The following SEZ6L variants were observed in gnomAD, a reference collection of about 807,000 sequenced individuals.
SEZ6L encodes seizure related 6 homolog like, also known as seizure 6-like protein.
SEZ6L carries 37 observed loss-of-function variants against 106.2 expected under a neutral mutation model. That is an observed-to-expected ratio of 0.35 (90% CI 0.27 to 0.46). The LOEUF is 0.46. Ranked by LOEUF, SEZ6L falls within the 20% of genes least tolerant of loss-of-function variation. The pLI, the probability that SEZ6L is intolerant of heterozygous loss-of-function variation, is 1.00. For synonymous variants in SEZ6L, 541 were observed against 570.4 expected, an observed-to-expected ratio of 0.95 and a Z score of 0.73; for missense variants, 1,172 against 1,332.8, an observed-to-expected ratio of 0.88 and a Z score of 1.88.
chr22:26,210,950 G>A (rs1407351187), intron 1 of SEZ6L, among the ~76,000 whole-genome samples: 1 of 152,190 alleles, frequency 6.6e-6, no homozygotes, highest in African/African-American at 2.4e-5. Flanking sequence ...AATTGGCTGG[G>A]GTAGAGTAGC....
intron 12 of SEZ6L, among the ~76,000 whole-genome samples, chr22:26,359,866 TAACTAAATGAGTTCATAGATATAA>T (rs564984222): frequency 1.3e-5 from 2 of 152,304 alleles, no homozygotes; most frequent in South Asian, 4.1e-4. Context: ...GTTGTTGTGA[TAACTAAATGAGTTCATAGATATAA>T]AACACTCAGA....
chr22:26,256,173 G>A (rs1311675262), intron 1 of SEZ6L, among the ~76,000 whole-genome samples: 1 of 152,226 alleles, frequency 6.6e-6, no homozygotes, highest in Non-Finnish European at 1.5e-5. Context: ...GTAAGGAAAT[G>A]CGTAAGAGAC....
At chr22:26,368,976 A>C (rs73415314) in intron 13 of SEZ6L, among the ~76,000 whole-genome samples, 9,185 of 152,200 alleles carry the variant, frequency 0.06, 804 homozygotes, top group African/African-American at 0.19. Flanking sequence ...CCAACCAGCC[A>C]GTCACCGCAG....
intron 13 of SEZ6L, among the ~76,000 whole-genome samples, chr22:26,369,395 A>AGTG (rs1360946719): frequency 1.6e-5 from 2 of 128,442 alleles, no homozygotes; most frequent in African/African-American, 6.1e-5. Flanking sequence ...GCTGGAGTGC[A>AGTG]GTGGCTGGAT....
intron 16 of SEZ6L, among the ~76,000 whole-genome samples, chr22:26,379,153 T>C (rs2084329777): frequency 6.6e-6 from 1 of 152,184 alleles, no homozygotes; most frequent in South Asian, 2.1e-4. Flanking sequence ...GGGCCTCAAT[T>C]TCTTGCGGGC....
chr22:26,379,109 A>T (rs906710111), intron 16 of SEZ6L, among the ~76,000 whole-genome samples: 6 of 152,196 alleles, frequency 3.9e-5, no homozygotes, highest in Admixed American at 6.5e-5. Context: ...ATGGTTGTTG[A>T]CAGCATTCAG....
intron 1 of SEZ6L, among the ~76,000 whole-genome samples, chr22:26,243,756 A>G (rs1278727420): frequency 6.6e-6 from 1 of 152,228 alleles, no homozygotes; most frequent in East Asian, 1.9e-4. Context: ...GGAGGAGGAC[A>G]GAGCTCTAAG....
rs560024604 is a variant in SEZ6L, at chr22:26,319,083, G to A, written c.2015+5181G>A. ...CTGGACCATTAGCTCTTACAAGCCC[G>A]TATGAGCCTGCCCCCAGCCCAGCAC... On this transcript the variant is annotated intron_variant, in intron 9 of 16. Coordinates refer to ENST00000248933, the MANE Select transcript of SEZ6L (RefSeq NM_021115.5). Among the ~76,000 whole-genome samples, 41 of 152,172 alleles carry A rather than the reference G, an allele frequency of 2.7e-4. No homozygotes were observed. The South Asian group carries it at 7.7e-3, about 29-fold the overall frequency.
intron 10 of SEZ6L, among the ~76,000 whole-genome samples, chr22:26,342,279 G>A (rs1265481526): frequency 6.6e-6 from 1 of 152,184 alleles, no homozygotes; most frequent in Non-Finnish European, 1.5e-5. Context: ...CCAGGATGGA[G>A]CAGAGAAAAG....
chr22:26,295,578 A>T (rs2081277178), intron 3 of SEZ6L, among the ~76,000 whole-genome samples: 1 of 152,200 alleles, frequency 6.6e-6, no homozygotes, highest in Admixed American at 6.5e-5. Context: ...CATGGAATTA[A>T]AATAAACTGG....
chr22:26,276,538 A>G (rs1341720860), intron 1 of SEZ6L, among the ~76,000 whole-genome samples: 1 of 152,272 alleles, frequency 6.6e-6, no homozygotes, highest in Non-Finnish European at 1.5e-5. Flanking sequence ...ATTTCCAAGT[A>G]TTATAATTCT....
At chr22:26,266,574 AAAATAAATAAATAAATAAAT>A (rs55949237) in intron 1 of SEZ6L, among the ~76,000 whole-genome samples, 4 of 144,696 alleles carry the variant, frequency 2.8e-5, no homozygotes, top group East Asian at 2.1e-4. Context: ...CTCCGTCTCA[AAAATAAATAAATAAATAAAT>A]AAATAAATAA....
rs71192909 is a variant in SEZ6L, at chr22:26,287,057, C to CT, written c.95-5334dup. Among the ~76,000 whole-genome samples, 936 of 141,480 alleles carry CT rather than the reference C, an allele frequency of 6.6e-3. 9 individuals are homozygous for CT. Among genetic ancestry groups the CT allele is most frequent in the African/African-American group, 0.019 (726 of 38,152 alleles). The allele number at this position is 141,480 out of a possible 152,430, so 92.8% of individuals were successfully genotyped here. ...TCCACCATGCCCGGTCGAGCTTGTGCTTTTTTTTTTTTTTTCACTTTAATA... is the reference window on the plus strand; with the variant it reads ...TCCACCATGCCCGGTCGAGCTTGTGCTTTTTTTTTTTTTTTTCACTTTAATA... On this transcript the variant is annotated intron_variant, in intron 1 of 16. Coordinates refer to ENST00000248933, the MANE Select transcript of SEZ6L (RefSeq NM_021115.5).
intron 1 of SEZ6L, among the ~76,000 whole-genome samples, chr22:26,196,239 C>G (rs1009324708): frequency 7.9e-5 from 12 of 152,300 alleles, no homozygotes; most frequent in African/African-American, 2.9e-4. Flanking sequence ...TAAGATGTGC[C>G]TGCTTCCCCT....
chr22:26,270,906 C>T (rs1049527062), intron 1 of SEZ6L, among the ~76,000 whole-genome samples: 6 of 152,160 alleles, frequency 3.9e-5, no homozygotes, highest in Non-Finnish European at 5.9e-5. Flanking sequence ...AAGCCCAGCC[C>T]CTGCATTCAT....
At chr22:26,224,999 C>T (rs143816242) in intron 1 of SEZ6L, among the ~76,000 whole-genome samples, 290 of 152,290 alleles carry the variant, frequency 1.9e-3, no homozygotes, top group South Asian at 2.7e-3. Context: ...ACATGTTTCA[C>T]TTTGGGGCCT....
intron 1 of SEZ6L, chr22:26,241,397 C>G (rs1292329130): frequency 6.6e-6 from 1 of 152,118 alleles, no homozygotes; most frequent in African/African-American, 2.4e-5. Flanking sequence ...CTCATGCCCT[C>G]CAAGGGATGC....
Position 26,313,846 on chromosome 22 carries a change from T to C in SEZ6L, c.1959T>C (p.Asp653=), listed in dbSNP as rs751713655. ...NWPEPYVEGE[D]CIWKIHVGEE... Reference sequence around the variant, plus strand: ...CCGAGCCCTACGTGGAAGGTGAAGATTGTATCTGGAAGATCCACGTGGGAG... The same window carrying C: ...CCGAGCCCTACGTGGAAGGTGAAGACTGTATCTGGAAGATCCACGTGGGAG... The change falls in exon 9 of 17, where the codon GAT becomes GAC. Residue 653 remains aspartate (D), a synonymous_variant. Transcript: ENST00000248933. 11 of 1,612,998 alleles carry C rather than the reference T, an allele frequency of 6.8e-6. No individual in the cohort carries two copies. The East Asian group carries it at 2.5e-4, about 36-fold the overall frequency.
rs200212656 is a variant in SEZ6L, at chr22:26,306,022, C to T, written c.1392C>T (p.Val464=). Residue 464 remains valine (V), a synonymous_variant, in exon 6 of 17, where the codon GTC becomes GTT. Coordinates refer to ENST00000248933, the MANE Select transcript of SEZ6L (RefSeq NM_021115.5). ...GAVHNATIGR[V]LSPSYPENTN... is the part of the protein sequence containing the mutation. ...TGCACAATGCCACCATCGGCCGCGT[C>T]CTCTCCCCAAGTTACCCTGAAAACA... 5.0e-6 allele frequency: 8 copies of T among 1,613,468 alleles called. No homozygotes were observed. The East Asian group carries it at 1.8e-4, about 36-fold the overall frequency.
Sources: allele counts gnomAD v4.1 joint callset (sites outside exome capture counted in the v4.1 genomes callset), GRCh38; gene constraint gnomAD v4.1.1; transcripts MANE v1.5; gene names NCBI Gene and HGNC (gene_info 2026-07-23, HGNC 2026-07-21).